The following ZFHX3 variants were observed in gnomAD, a reference collection of about 807,000 sequenced individuals.
ZFHX3 encodes the protein zinc finger homeobox protein 3.
ZFHX3 carries 42 observed loss-of-function variants against 279.1 expected under a neutral mutation model. That is an observed-to-expected ratio of 0.15 (90% CI 0.12 to 0.19). The LOEUF (loss-of-function observed/expected upper bound fraction) is 0.19, where lower values mean the gene tolerates loss of function less well. Ranked by LOEUF, ZFHX3 falls within the 10% of genes least tolerant of loss-of-function variation. The pLI is 1.00. For synonymous variants in ZFHX3, 2,293 were observed against 1,957.8 expected (o/e 1.17, Z -4.52); for missense variants, 4,981 against 4,754.0 (o/e 1.05, Z -1.40).
intron 1 of ZFHX3, among the ~76,000 whole-genome samples, chr16:73,037,482 C>T (rs34003787): frequency 0.079 from 12,074 of 152,086 alleles, 506 homozygotes; most frequent in Middle Eastern, 0.12. Context: ...GCCAGCCCGG[C>T]GACAGTTTCA....
At chr16:73,359,555 T>G (rs1004275167) in intron 3 of ZFHX3, among the ~76,000 whole-genome samples, 2 of 152,188 alleles carry the variant, frequency 1.3e-5, no homozygotes, top group African/African-American at 4.8e-5. Flanking sequence ...TGCCATGTTC[T>G]TAGGACTGGA....
intron 1 of ZFHX3, among the ~76,000 whole-genome samples, chr16:73,756,658 A>G (rs1356119308): frequency 6.6e-6 from 1 of 152,002 alleles, no homozygotes; most frequent in East Asian, 1.9e-4. Context: ...ATAGGATGAC[A>G]TTTCTAAGCT....
At chr16:73,053,145 G>A (rs1483580305) in intron 1 of ZFHX3, among the ~76,000 whole-genome samples, 2 of 152,056 alleles carry the variant, frequency 1.3e-5, no homozygotes, top group Non-Finnish European at 2.9e-5. Flanking sequence ...TGGGGCCTAT[G>A]CAGTCAGATT....
At chr16:73,645,642 T>TA (rs2052612198) in intron 2 of ZFHX3, among the ~76,000 whole-genome samples, 1 of 152,202 alleles carries the variant, frequency 6.6e-6, no homozygotes, top group South Asian at 2.1e-4. Context: ...CCCTTCTTTA[T>TA]AAAAATACGT....
rs963874989 is a variant in ZFHX3 at position 72,788,581 on chromosome 16, C to T, written c.9695G>A (p.Arg3232His). The T allele has an allele frequency of 6.2e-6, 10 of 1,613,926 alleles. No individual in the cohort carries two copies. The highest frequency in any genetic ancestry group is 4.5e-5 in the East Asian group (2 of 44,804). Residue 3232 changes from arginine (R) to histidine (H), a missense_variant, in exon 10 of 10, where the codon CGC (arginine) becomes CAC (histidine). Around this residue, in one of 7 missense-constraint regions of ZFHX3, gnomAD observed 1,034 missense variants for 786.0 expected, o/e 1.32. Coordinates refer to ENST00000268489, the MANE Select transcript of ZFHX3 (RefSeq NM_006885.4). ...TACTTTCTCACTGTCTTTGTCCTTG[C>T]GTTGCTGCTGCTGTTGCAGTGGGAG... is the stretch of plus-strand genomic sequence containing the variant. ...PQLPLQQQQQ[R>H]KDKDSEKVKE...
chr16:73,578,970 G>C (rs919599473), intron 2 of ZFHX3, among the ~76,000 whole-genome samples: 5 of 152,192 alleles, frequency 3.3e-5, no homozygotes, highest in Admixed American at 2.0e-4. Context: ...GATGAGAAGG[G>C]AGAGCCGGAC....
At chr16:72,872,291 G>C (rs571015929) in intron 4 of ZFHX3, among the ~76,000 whole-genome samples, 4 of 152,060 alleles carry the variant, frequency 2.6e-5, no homozygotes, top group Non-Finnish European at 5.9e-5. Context: ...TGAAAACAGA[G>C]CTCCTATCAG....
intron 2 of ZFHX3, among the ~76,000 whole-genome samples, chr16:73,495,954 C>T (rs7206829): frequency 2.6e-5 from 4 of 152,268 alleles, no homozygotes; most frequent in East Asian, 1.9e-4. Flanking sequence ...TCATCACGGT[C>T]GTGCTGCAGA....
intron 1 of ZFHX3, among the ~76,000 whole-genome samples, chr16:73,024,882 A>G (rs1204765589): frequency 6.6e-6 from 1 of 152,188 alleles, no homozygotes; most frequent in Non-Finnish European, 1.5e-5. Flanking sequence ...CATGTCCCCC[A>G]GAAGGTGGGC....
At chr16:73,816,073 G>C (rs1960563067) in intron 1 of ZFHX3, 1 of 152,116 alleles carries the variant, frequency 6.6e-6, no homozygotes, top group Non-Finnish European at 1.5e-5. Flanking sequence ...GAGAGACCTG[G>C]AATATGGATC....
intron 1 of ZFHX3, among the ~76,000 whole-genome samples, chr16:72,967,411 T>G (rs1051582496): frequency 1.3e-5 from 2 of 151,966 alleles, no homozygotes; most frequent in African/African-American, 4.8e-5. Flanking sequence ...AGTAAGTGAT[T>G]GCAACCCAAT....
rs1472259137 is a variant in ZFHX3, at chr16:72,787,125, T to A, written c.*39A>T. 6 of 1,356,034 alleles carry A rather than the reference T, an allele frequency of 4.4e-6. No individual in the cohort carries two copies. The highest frequency in any genetic ancestry group is 2.7e-5 in the East Asian group (1 of 37,480). The allele number at this position is 1,356,034 out of a possible 1,614,324, so 84.0% of individuals were successfully genotyped here. On this transcript the variant is annotated 3_prime_UTR_variant, in exon 10 of 10. Transcript: ENST00000268489. ...GAAATTGGTTTGTTATTAATTTTTG[T>A]ATTTAAATTCATTTGTTTGTATTGT...
chr16:72,789,816 T>C (rs1019909139), intron 9 of ZFHX3: 1 of 152,198 alleles, frequency 6.6e-6, no homozygotes, highest in Admixed American at 6.5e-5. Flanking sequence ...TTCCTGCCCC[T>C]GTTTGAATGA....
intron 5 of ZFHX3, among the ~76,000 whole-genome samples, chr16:73,210,464 C>T (rs2011974039): frequency 6.6e-6 from 1 of 152,054 alleles, no homozygotes; most frequent in African/African-American, 2.4e-5. Flanking sequence ...CATTGAGTTG[C>T]TTATCAAGAG....
At chr16:73,294,364 C>T (rs2014850840) in intron 4 of ZFHX3, 1 of 152,216 alleles carries the variant, frequency 6.6e-6, no homozygotes, top group South Asian at 2.1e-4. Context: ...AGATAAGCAG[C>T]CCCTCTCCCC....
Position 72,960,021 on chromosome 16 carries a change from G to T in ZFHX3, c.125C>A (p.Ser42Tyr). Reference protein sequence around the residue: ...LPDKPSSMEQSTGESHGPLDS... With the variant: ...LPDKPSSMEQYTGESHGPLDS... ...CAAGGGCCCGTGGCTCTCGCCTGTG[G>T]ACTGCTCCATGCTACTGGGTTTGTC... The change falls in exon 2 of 10, where the codon TCC (serine) becomes TAC (tyrosine). Residue 42 changes from serine (S) to tyrosine (Y), a missense_variant. Ser to Tyr is a moderately radical substitution (Grantham distance 144). Coordinates refer to ENST00000268489, the MANE Select transcript of ZFHX3 (RefSeq NM_006885.4). 6.2e-7 allele frequency: 1 copy of T among 1,613,990 alleles called. No homozygotes were observed. Among genetic ancestry groups the T allele is most frequent in the Non-Finnish European group, 8.5e-7 (1 of 1,179,912 alleles).
chr16:72,960,050 G>A lies in ZFHX3; in HGVS notation c.96C>T (p.Leu32=). The part of the protein sequence containing the change: ...QQWTELNSTH[L]PDKPSSMEQS... ...GCTCCATGCTACTGGGTTTGTCAGGGAGGTGGGTGCTGTTGAGTTCAGTCC... is the reference window on the plus strand; with the variant it reads ...GCTCCATGCTACTGGGTTTGTCAGGAAGGTGGGTGCTGTTGAGTTCAGTCC... The change falls in exon 2 of 10, where the codon CTC becomes CTT. Residue 32 remains leucine (L), a synonymous_variant. Coordinates refer to ENST00000268489, the MANE Select transcript of ZFHX3 (RefSeq NM_006885.4). 6.2e-7 allele frequency: 1 copy of A among 1,614,104 alleles called. No individual in the cohort carries two copies. Among genetic ancestry groups the A allele is most frequent in the Non-Finnish European group, 8.5e-7 (1 of 1,179,970 alleles).
chr16:73,339,961 G>A (rs2143254332), intron 3 of ZFHX3, among the ~76,000 whole-genome samples: 1 of 152,276 alleles, frequency 6.6e-6, no homozygotes, highest in Admixed American at 6.5e-5. Context: ...TGGCAGTCAG[G>A]GCTGTCAATG....
upstream of ZFHX3, among the ~76,000 whole-genome samples, chr16:73,052,102 T>C (rs117599139): frequency 0.013 from 2,000 of 151,994 alleles, 20 homozygotes; most frequent in Non-Finnish European, 0.021. Flanking sequence ...GGTCTGATGC[T>C]AACCACTGAA....
Sources: allele counts gnomAD v4.1 joint callset (sites outside exome capture counted in the v4.1 genomes callset), GRCh38; gene constraint gnomAD v4.1.1; regional missense constraint gnomAD v4.1.1; transcripts MANE v1.5; gene names NCBI Gene and HGNC (gene_info 2026-07-23, HGNC 2026-07-21).